Variants in PREX2 observed in about 807,000 individuals in gnomAD.
PREX2 encodes the protein phosphatidylinositol-3,4,5-trisphosphate dependent Rac exchange factor 2, also known as phosphatidylinositol 3,4,5-trisphosphate-dependent Rac exchanger 2 protein.
A neutral mutation model predicts 203.2 loss-of-function variants in PREX2; 107 were observed. That is an observed-to-expected ratio of 0.53 (90% CI 0.45 to 0.62). The LOEUF (loss-of-function observed/expected upper bound fraction) is 0.62, where lower values mean the gene tolerates loss of function less well. Ranked by LOEUF, PREX2 falls within the 20% of genes least tolerant of loss-of-function variation. The pLI, the probability that PREX2 is intolerant of heterozygous loss-of-function variation, is 0.00. For missense variants in PREX2, 1,777 were observed against 1,955.9 expected (o/e 0.91, Z 1.72); for synonymous variants, 672 against 663.6 (o/e 1.01, Z -0.19).
chr8:68,134,915 T>A (rs190647235), intron 32 of PREX2, among the ~76,000 whole-genome samples: 1 of 152,218 alleles, frequency 6.6e-6, no homozygotes, highest in Non-Finnish European at 1.5e-5. Flanking sequence ...TTTTTTCACG[T>A]ATACCTCCTG....
chr8:68,128,842 T>C (rs1436948895), intron 31 of PREX2, among the ~76,000 whole-genome samples: 1 of 152,208 alleles, frequency 6.6e-6, no homozygotes, highest in Non-Finnish European at 1.5e-5. Flanking sequence ...TGTGACCACT[T>C]TTCCAAAGTA....
chr8:68,146,390 T>C (rs764864080), intron 34 of PREX2, 38 bp downstream of exon 34: 83 of 1,492,676 alleles, frequency 5.6e-5, no homozygotes, highest in Non-Finnish European at 6.9e-5. Context: ...TATACTTTAA[T>C]TATTTTATCT....
At chr8:68,176,254 A>G (rs901533858) in intron 35 of PREX2, among the ~76,000 whole-genome samples, 5 of 152,200 alleles carry the variant, frequency 3.3e-5, no homozygotes, top group Non-Finnish European at 5.9e-5. Flanking sequence ...TATTTTCAGT[A>G]GATCTAATAT....
At position 68,234,159 on chromosome 8, in the gene PREX2, A is replaced by G. The variant is rs907130801; in HGVS notation, c.*2781A>G. On this transcript the variant is annotated 3_prime_UTR_variant, in exon 40 of 40. Coordinates refer to ENST00000288368, the MANE Select transcript of PREX2 (RefSeq NM_024870.4). ...ATAATTCCAACACAGTGGTAAGAGTAAAAAACATACCTAATGGATGAATGA... is the reference window on the plus strand; with the variant it reads ...ATAATTCCAACACAGTGGTAAGAGTGAAAAACATACCTAATGGATGAATGA... 1.3e-5 allele frequency: 2 copies of G among 152,214 alleles called. No individual in the cohort carries two copies. The highest frequency in any genetic ancestry group is 4.8e-5 in the African/African-American group (2 of 41,470). 9.4% of individuals were successfully genotyped at this position (152,214 alleles called of 1,614,324 possible).
intron 38 of PREX2, among the ~76,000 whole-genome samples, chr8:68,221,831 A>G (rs1473985546): frequency 6.6e-6 from 1 of 152,242 alleles, no homozygotes; most frequent in Non-Finnish European, 1.5e-5. Context: ...GACTATAGAC[A>G]AAAAGCATTG....
intron 7 of PREX2, among the ~76,000 whole-genome samples, chr8:68,039,861 C>T (rs1226298649): frequency 1.3e-5 from 2 of 152,162 alleles, no homozygotes; most frequent in Admixed American, 6.6e-5. Context: ...CAGGATCCCT[C>T]TTTGGTGACA....
intron 9 of PREX2, 147 bp from the exon 10 acceptor site, chr8:68,055,683 A>G: frequency 1.4e-6 from 1 of 698,954 alleles, no homozygotes; most frequent in Non-Finnish European, 2.3e-6. Flanking sequence ...AGCTTCTTGA[A>G]CACCAGGGCA....
chr8:68,061,162 C>A (rs1009519723), intron 11 of PREX2, among the ~76,000 whole-genome samples: 14 of 152,182 alleles, frequency 9.2e-5, no homozygotes, highest in Non-Finnish European at 1.9e-4. Context: ...AAGGGCATTC[C>A]ACCCGGAGGA....
At chr8:68,184,045 C>T (rs1400145507) in intron 35 of PREX2, among the ~76,000 whole-genome samples, 2 of 152,102 alleles carry the variant, frequency 1.3e-5, no homozygotes, top group Non-Finnish European at 2.9e-5. Context: ...TCTCATTATT[C>T]AGAATTTCTC....
At chr8:68,050,744 C>A (rs1808504405) in intron 8 of PREX2, among the ~76,000 whole-genome samples, 1 of 152,120 alleles carries the variant, frequency 6.6e-6, no homozygotes, top group African/African-American at 2.4e-5. Flanking sequence ...TGCACAGGCT[C>A]AATTGGTCAG....
At chr8:68,169,519 T>C (rs983696332) in intron 35 of PREX2, among the ~76,000 whole-genome samples, 6 of 152,128 alleles carry the variant, frequency 3.9e-5, no homozygotes, top group African/African-American at 1.4e-4. Flanking sequence ...CCACAATACC[T>C]ACCAAATTTT....
intron 9 of PREX2, among the ~76,000 whole-genome samples, chr8:68,054,916 T>C (rs1243297658): frequency 1.3e-5 from 2 of 152,234 alleles, no homozygotes; most frequent in Non-Finnish European, 2.9e-5. Context: ...ATCTGATTTC[T>C]TCTCTTTCTT....
intron 13 of PREX2, among the ~76,000 whole-genome samples, 197 bp downstream of exon 13, chr8:68,070,081 C>G (rs1809153755): frequency 6.6e-6 from 1 of 151,492 alleles, no homozygotes; most frequent in Admixed American, 6.6e-5. Flanking sequence ...GTTTTCCACT[C>G]TTTATTATGA....
At chr8:68,169,182 T>G (rs957092815) in intron 35 of PREX2, among the ~76,000 whole-genome samples, 1 of 152,044 alleles carries the variant, frequency 6.6e-6, no homozygotes, top group African/African-American at 2.4e-5. Context: ...AAACGAGTGT[T>G]CTATTCTCAG....
intron 33 of PREX2, among the ~76,000 whole-genome samples, chr8:68,142,958 T>G (rs574610425): frequency 6.6e-6 from 1 of 152,282 alleles, no homozygotes; most frequent in African/African-American, 2.4e-5. Flanking sequence ...GCATTTGGTG[T>G]TGTCAGTGTT....
chr8:68,042,853 G>A (rs748933547), intron 7 of PREX2, among the ~76,000 whole-genome samples: 1 of 151,912 alleles, frequency 6.6e-6, no homozygotes, highest in Admixed American at 6.6e-5. Flanking sequence ...CAGCCTAAGA[G>A]AAATATACAA....
At chr8:68,039,126 T>C (rs796103846) in intron 7 of PREX2, among the ~76,000 whole-genome samples, 3 of 152,334 alleles carry the variant, frequency 2.0e-5, no homozygotes, top group African/African-American at 7.2e-5. Flanking sequence ...TGTGTCACAC[T>C]GTCACCCTTC....
intron 5 of PREX2, among the ~76,000 whole-genome samples, chr8:68,027,677 T>C (rs887960139): frequency 1.3e-4 from 20 of 152,140 alleles, no homozygotes; most frequent in Admixed American, 6.6e-4. Flanking sequence ...TGGTATATTT[T>C]TGATTTCCTT....
intron 1 of PREX2, among the ~76,000 whole-genome samples, chr8:68,009,264 C>T (rs780641830): frequency 9.9e-4 from 151 of 152,276 alleles, no homozygotes; most frequent in Non-Finnish European, 1.8e-3. Context: ...ACTTTAAATT[C>T]GGGAAATGAC....
Sources: allele counts gnomAD v4.1 joint callset (sites outside exome capture counted in the v4.1 genomes callset), GRCh38; gene constraint gnomAD v4.1.1; transcripts MANE v1.5; gene names NCBI Gene and HGNC (gene_info 2026-07-23, HGNC 2026-07-21).